Variants in GALNT13 observed in about 807,000 individuals in gnomAD.
GALNT13 encodes polypeptide N-acetylgalactosaminyltransferase 13, also known as UDP-GalNAc:polypeptide N-acetylgalactosaminyltransferase 13.
Under a neutral mutation model 64.2 loss-of-function variants are expected in GALNT13, and 28 were observed. The ratio of observed to expected loss-of-function variants is 0.44; its 90% CI spans 0.32 to 0.60. The LOEUF (loss-of-function observed/expected upper bound fraction) is 0.60. GALNT13 is among the 20% of genes least tolerant of loss of function. GALNT13 has a pLI of 0.05. For missense variants in GALNT13, 577 were observed against 669.8 expected (o/e 0.86, Z 1.53); for synonymous variants, 214 against 224.6 (o/e 0.95, Z 0.42).
At chr2:154,157,692 G>A (rs771394174) in intron 4 of GALNT13, among the ~76,000 whole-genome samples, 60 of 152,008 alleles carry the variant, frequency 3.9e-4, no homozygotes, top group Non-Finnish European at 5.7e-4. Context: ...AGCCATCTCC[G>A]TACCACCATT....
In GALNT13 at chr2:154,035,561, A is replaced by G. The variant is rs778576026; in HGVS notation, c.142+90922A>G. Reference sequence around the variant, plus strand: ...ATTTTTTAAGTGGAAAATTATTTTAAAGTAGTTTGAACTATGATTTAATTT... The same window carrying G: ...ATTTTTTAAGTGGAAAATTATTTTAGAGTAGTTTGAACTATGATTTAATTT... On this transcript the variant is annotated intron_variant, in intron 3 of 12. Transcript: ENST00000392825. Among the ~76,000 whole-genome samples the G allele has an allele frequency of 3.7e-4, 56 of 152,170 alleles. 1 individual carries two copies. Among genetic ancestry groups the G allele is most frequent in the Non-Finnish European group, 6.6e-4 (45 of 67,880 alleles).
At chr2:153,223,797 A>G in the GALNT13 span, among the ~76,000 whole-genome samples, 21,235 of 150,496 alleles carry the variant, frequency 0.14, 1,654 homozygotes, top group Non-Finnish European at 0.17. Flanking sequence ...CGCCTCTACT[A>G]AAAAAAAAGA....
At chr2:153,254,066 T>A in the GALNT13 span, among the ~76,000 whole-genome samples, 20,705 of 152,122 alleles carry the variant, frequency 0.14, 1,686 homozygotes, top group African/African-American at 0.22. Flanking sequence ...CTTGTACCTC[T>A]GGTAGAATTC....
chr2:153,766,883 C>T, the GALNT13 span, among the ~76,000 whole-genome samples: 385 of 151,970 alleles, frequency 2.5e-3, 4 homozygotes, highest in African/African-American at 8.8e-3. Context: ...CTTTAGGGTC[C>T]ATTATCGGAG....
At chr2:153,260,619 G>A in the GALNT13 span, among the ~76,000 whole-genome samples, 2 of 152,060 alleles carry the variant, frequency 1.3e-5, no homozygotes, top group Admixed American at 6.6e-5. Context: ...CTTGCTTTTA[G>A]TATCATTTTT....
the GALNT13 span, among the ~76,000 whole-genome samples, chr2:153,255,147 G>T: frequency 6.6e-6 from 1 of 151,264 alleles, no homozygotes; most frequent in African/African-American, 2.4e-5. Context: ...ATGAATCTGG[G>T]TGCTCCTGTA....
rs563760656 is a variant in GALNT13 at position 154,286,188 on chromosome 2, A to G, written c.976-15221A>G. On this transcript the variant is annotated intron_variant, in intron 8 of 12. Transcript: ENST00000392825. ...GATGTCTTTAGCTTATTCTTGCCTA[A>G]ATGCTCTGGCTAGGATTTCAAGTGC... 5.9e-5 allele frequency among the ~76,000 whole-genome samples: 9 copies of G among 152,230 alleles called. 1 individual carries two copies. The highest frequency in any genetic ancestry group is 2.2e-4 in the African/African-American group (9 of 41,548).
At chr2:153,136,147 G>C in the GALNT13 span, among the ~76,000 whole-genome samples, 1 of 152,056 alleles carries the variant, frequency 6.6e-6, no homozygotes, top group East Asian at 1.9e-4. Context: ...GGAGATATTT[G>C]AGTGCTGACT....
intron 9 of GALNT13, among the ~76,000 whole-genome samples, chr2:154,348,629 C>T (rs929937807): frequency 3.9e-5 from 6 of 151,936 alleles, no homozygotes; most frequent in Admixed American, 3.9e-4. Context: ...TTGGGGCTGG[C>T]CCATCTCTCA....
intron 3 of GALNT13, among the ~76,000 whole-genome samples, chr2:153,959,771 C>T (rs972123305): frequency 6.6e-6 from 1 of 152,122 alleles, no homozygotes; most frequent in African/African-American, 2.4e-5. Flanking sequence ...TTTGGTAATC[C>T]ACCCATTACT....
chr2:153,092,285 C>T, the GALNT13 span, among the ~76,000 whole-genome samples: 371 of 152,028 alleles, frequency 2.4e-3, no homozygotes, highest in African/African-American at 8.5e-3. Flanking sequence ...TGATTTCCTC[C>T]GTTTTGTTCC....
chr2:153,392,332 AT>A, the GALNT13 span, among the ~76,000 whole-genome samples: 1 of 151,878 alleles, frequency 6.6e-6, no homozygotes, highest in African/African-American at 2.4e-5. Context: ...AAAATGAAAT[AT>A]TAAAAAAAAA....
the GALNT13 span, among the ~76,000 whole-genome samples, chr2:153,633,204 T>A: frequency 4.9e-3 from 744 of 152,286 alleles, 4 homozygotes; most frequent in South Asian, 0.02. Flanking sequence ...ATACCTTTAA[T>A]TTCCAACATA....
At chr2:154,203,502 A>AT (rs1687282514) in intron 4 of GALNT13, among the ~76,000 whole-genome samples, 1 of 151,996 alleles carries the variant, frequency 6.6e-6, no homozygotes, top group Non-Finnish European at 1.5e-5. Context: ...TTTAATGACA[A>AT]TTTTTTTCAC....
At chr2:153,563,255 G>A in the GALNT13 span, among the ~76,000 whole-genome samples, 2 of 151,854 alleles carry the variant, frequency 1.3e-5, no homozygotes, top group African/African-American at 2.4e-5. Flanking sequence ...CTATTTTCCA[G>A]TATTTCTCTT....
At chr2:154,254,259 T>G in intron 7 of GALNT13, among the ~76,000 whole-genome samples, 1 of 152,216 alleles carries the variant, frequency 6.6e-6, no homozygotes, top group East Asian at 1.9e-4. Context: ...TAAAGGGGGT[T>G]GAGAGGAGCT....
At chr2:154,157,208 A>C (rs1409070897) in intron 4 of GALNT13, among the ~76,000 whole-genome samples, 2 of 152,122 alleles carry the variant, frequency 1.3e-5, no homozygotes, top group African/African-American at 2.4e-5. Flanking sequence ...TAGTCTCACC[A>C]TGGCATCTAC....
intron 9 of GALNT13, among the ~76,000 whole-genome samples, chr2:154,354,304 A>C (rs1055716402): frequency 6.6e-6 from 1 of 151,942 alleles, no homozygotes; most frequent in African/African-American, 2.4e-5. Flanking sequence ...ATCCCTTATC[A>C]GATATGTGGG....
chr2:153,927,950 A>G (rs1690263724), intron 2 of GALNT13, among the ~76,000 whole-genome samples: 1 of 152,128 alleles, frequency 6.6e-6, no homozygotes, highest in South Asian at 2.1e-4. Flanking sequence ...TCATTAAAAT[A>G]TGGGAGCAGA....
Sources: gnomAD v4.1 joint callset for allele counts (sites outside exome capture counted in the v4.1 genomes callset) on GRCh38, gnomAD v4.1.1 for gene constraint, MANE v1.5 for transcripts, NCBI Gene and HGNC (gene_info 2026-07-23, HGNC 2026-07-21) for gene names.